Variants in RACGAP1 observed in about 807,000 individuals in gnomAD.
The protein encoded by RACGAP1 is rac GTPase-activating protein 1.
In RACGAP1, 30 loss-of-function variants were observed where a neutral mutation model predicts 78.1. The ratio of observed to expected loss-of-function variants is 0.38; its 90% CI spans 0.29 to 0.52. RACGAP1 has a LOEUF of 0.52. RACGAP1 is among the 20% of genes least tolerant of loss of function. RACGAP1 has a pLI of 0.82. For missense variants in RACGAP1, 587 were observed against 777.1 expected, an observed-to-expected ratio of 0.76 and a Z score of 2.91; for synonymous variants, 231 against 264.8, an observed-to-expected ratio of 0.87 and a Z score of 1.24.
chr12:49,991,653 T>A (rs1947888857), intron 15 of RACGAP1, among the ~76,000 whole-genome samples: 1 of 150,482 alleles, frequency 6.6e-6, no homozygotes, highest in Non-Finnish European at 1.5e-5. Flanking sequence ...CACACCCAGC[T>A]AATTTTTGTA....
chr12:49,999,123 C>G lies in RACGAP1; in HGVS notation c.879+18G>C. The G allele has an allele frequency of 6.4e-7, 1 of 1,569,156 alleles. No individual in the cohort carries two copies. The highest frequency in any genetic ancestry group is 8.6e-7 in the Non-Finnish European group (1 of 1,161,434). On this transcript the variant is annotated intron_variant, in intron 9 of 16. Coordinates refer to ENST00000312377, the MANE Select transcript of RACGAP1 (RefSeq NM_001319999.2). ...CACAATTAAAAAATTAAAACACAAA[C>G]AACAATCACAGATTTACCGTCTTAG...
intron 2 of RACGAP1, among the ~76,000 whole-genome samples, chr12:50,015,820 AAAAAAATTT>A (rs1290315035): frequency 2.0e-5 from 3 of 150,364 alleles, no homozygotes; most frequent in African/African-American, 7.4e-5. Flanking sequence ...AAAAAAAATT[AAAAAAATTT>A]AAAAAAAAAT....
chr12:50,015,955 T>C (rs1949650319), intron 2 of RACGAP1, among the ~76,000 whole-genome samples: 1 of 151,344 alleles, frequency 6.6e-6, no homozygotes, highest in African/African-American at 2.4e-5. Context: ...AAATGCTTTA[T>C]AGAACACAAA....
rs1364306415 is a variant in RACGAP1 at position 49,991,532 on chromosome 12, G to A, written c.1714+466C>T. Among the ~76,000 whole-genome samples the A allele has an allele frequency of 4.2e-5, 5 of 118,030 alleles. No individual in the cohort carries two copies. In the East Asian group the frequency reaches 1.3e-3, roughly 30 times the overall value. 77.4% of individuals were successfully genotyped at this position (118,030 alleles called of 152,430 possible). On this transcript the variant is annotated intron_variant, in intron 15 of 16. Coordinates refer to ENST00000312377, the MANE Select transcript of RACGAP1 (RefSeq NM_001319999.2). ...TAGACAGAGTCTCACTCTGTCACCA[G>A]GCTGGAGTGCAGTGGCGGGATCTCA...
At chr12:50,010,020 G>A (rs947772543) in intron 2 of RACGAP1, among the ~76,000 whole-genome samples, 2 of 152,166 alleles carry the variant, frequency 1.3e-5, no homozygotes, top group African/African-American at 4.8e-5. Context: ...CTTGAAGACA[G>A]GCAATATGTC....
rs1005041358 is a variant in RACGAP1 at position 49,990,067 on chromosome 12, A to G, written c.*201T>C. The G allele has an allele frequency of 4.3e-6, 2 of 462,810 alleles. No homozygotes were observed. Among genetic ancestry groups the G allele is most frequent in the Admixed American group, 6.9e-5 (2 of 28,972 alleles). 28.7% of individuals were successfully genotyped at this position (462,810 alleles called of 1,614,324 possible). A position where few individuals can be genotyped will look rare whatever the true frequency, so the allele number is the denominator to read the frequency against. The stretch of plus-strand genomic sequence containing the variant: ...AAAAGCTCCCAACAATGACCAGCAC[A>G]AAGTGCTGATATTATGTGACTTGAG... On this transcript the variant is annotated 3_prime_UTR_variant, in exon 17 of 17. Coordinates refer to ENST00000312377, the MANE Select transcript of RACGAP1 (RefSeq NM_001319999.2).
At chr12:50,003,244 A>G (rs570920646) in intron 5 of RACGAP1, among the ~76,000 whole-genome samples, 1 of 152,328 alleles carries the variant, frequency 6.6e-6, no homozygotes, top group East Asian at 1.9e-4. Flanking sequence ...AGCTTAGCTA[A>G]ATAAATTTAA....
chr12:50,003,992 C>T lies in RACGAP1; in HGVS notation c.495+243G>A, dbSNP rs112037014. 1.8e-3 allele frequency among the ~76,000 whole-genome samples: 278 copies of T among 152,280 alleles called. 1 individual carries two copies. Among genetic ancestry groups the T allele is most frequent in the African/African-American group, 6.6e-3 (274 of 41,554 alleles). ...GTTAGTACATGTGGCACACAGAGAT[C>T]TATTAAATGAACTCAACTTATGCCA... On this transcript the variant is annotated intron_variant, in intron 5 of 16. Transcript: ENST00000312377.
intron 12 of RACGAP1, among the ~76,000 whole-genome samples, chr12:49,993,681 G>A (rs533201817): frequency 4.6e-5 from 7 of 151,532 alleles, no homozygotes; most frequent in East Asian, 3.9e-4. Context: ...CCCAGGAGGC[G>A]GAGTTTGCAG....
intron 10 of RACGAP1, among the ~76,000 whole-genome samples, chr12:49,994,846 T>C (rs976476096): frequency 6.6e-6 from 1 of 152,218 alleles, no homozygotes; most frequent in Non-Finnish European, 1.5e-5. Context: ...GTTACAGGTA[T>C]AGCCTTTAAT....
intron 2 of RACGAP1, among the ~76,000 whole-genome samples, chr12:50,030,780 TTGTGTG>T (rs113580644): frequency 1.3e-5 from 2 of 150,836 alleles, no homozygotes; most frequent in South Asian, 4.2e-4. Flanking sequence ...TTTATGTCTT[TTGTGTG>T]TGTGTGTGTG....
At chr12:49,992,724 G>A (rs1010206388) in intron 12 of RACGAP1, 69 bp from the exon 13 acceptor site, 112 of 1,208,256 alleles carry the variant, frequency 9.3e-5, no homozygotes, top group East Asian at 2.6e-4. Flanking sequence ...CCAAGTTATC[G>A]ACCACAAAGT....
intron 2 of RACGAP1, among the ~76,000 whole-genome samples, chr12:50,012,810 T>C (rs1949433713): frequency 6.6e-6 from 1 of 151,116 alleles, no homozygotes; most frequent in South Asian, 2.1e-4. Context: ...ACCCCTGTAA[T>C]CCCAGCACTT....
At position 49,992,080 on chromosome 12, in the gene RACGAP1, C is replaced by A. The variant is rs1231151385; in HGVS notation, c.1632G>T (p.Met544Ile). 6.2e-7 allele frequency: 1 copy of A among 1,614,068 alleles called. No individual in the cohort carries two copies. Among genetic ancestry groups the A allele is most frequent in the Non-Finnish European group, 8.5e-7 (1 of 1,180,002 alleles). The stretch of plus-strand genomic sequence containing the variant: ...GGGGGTCAATGTTCTCTTGCTCCAC[C>A]ATCATGAACTGACTCCAATACTCCA... The part of the protein sequence containing the change: ...LPLEYWSQFM[M>I]VEQENIDPLH... The change falls in exon 15 of 17, where the codon ATG (methionine) becomes ATT (isoleucine). Residue 544 changes from methionine (M) to isoleucine (I), a missense_variant. Transcript: ENST00000312377.
At chr12:49,999,772 ATCTAACTTACCC>A in intron 7 of RACGAP1, 39 bp from the exon 8 acceptor site, 1 of 1,491,330 alleles carries the variant, frequency 6.7e-7, no homozygotes, top group Middle Eastern at 1.7e-4. Context: ...CAAACAAAGA[ATCTAACTTACCC>A]TCCACTATAG....
At chr12:50,019,128 C>A (rs615382) in intron 1 of RACGAP1, among the ~76,000 whole-genome samples, 109,988 of 152,078 alleles carry the variant, frequency 0.72, 46,452 homozygotes, top group Non-Finnish European at 0.93. Context: ...CTCCCCTTCC[C>A]ACAGCATAAT....
chr12:50,018,589 C>A, intron 1 of RACGAP1: 1 of 1,286,950 alleles, frequency 7.8e-7, no homozygotes, highest in Non-Finnish European at 1.0e-6. Context: ...CTTTGGCTCT[C>A]CTGAGGTAAA....
At chr12:50,012,298 C>T (rs1565690915) in intron 2 of RACGAP1, among the ~76,000 whole-genome samples, 2 of 151,936 alleles carry the variant, frequency 1.3e-5, no homozygotes, top group Non-Finnish European at 2.9e-5. Flanking sequence ...CGGTGGCTCA[C>T]GCCTGTAATC....
intron 1 of RACGAP1, among the ~76,000 whole-genome samples, chr12:50,024,671 C>T (rs769626584): frequency 1.3e-5 from 2 of 151,954 alleles, no homozygotes; most frequent in Non-Finnish European, 2.9e-5. Context: ...TTTTTTAAGT[C>T]CCCTCCAAAA....
Sources: gnomAD v4.1 joint callset for allele counts (sites outside exome capture counted in the v4.1 genomes callset) on GRCh38, gnomAD v4.1.1 for gene constraint, MANE v1.5 for transcripts, NCBI Gene and HGNC (gene_info 2026-07-23, HGNC 2026-07-21) for gene names.